The following LOC128092253 variants were observed in gnomAD, a reference collection of about 807,000 sequenced individuals.
chr6:133,967,252 G>A, the LOC128092253 span, among the ~76,000 whole-genome samples: 89 of 152,284 alleles, frequency 5.8e-4, no homozygotes, highest in African/African-American at 2.0e-3. Context: ...ATTGAATGAA[G>A]GTGATGCTCA....
chr6:133,974,830 C>A, the LOC128092253 span, among the ~76,000 whole-genome samples: 1 of 152,112 alleles, frequency 6.6e-6, no homozygotes, highest in African/African-American at 2.4e-5. Context: ...TTTAAGTTAG[C>A]ATTTCCTCAA....
chr6:133,955,008 G>A, the LOC128092253 span, among the ~76,000 whole-genome samples: 3 of 152,096 alleles, frequency 2.0e-5, no homozygotes, highest in Non-Finnish European at 4.4e-5. Context: ...TGCAAAGTGT[G>A]AACATTGGGA....
the LOC128092253 span, among the ~76,000 whole-genome samples, chr6:133,969,176 G>A: frequency 2.7e-5 from 4 of 149,748 alleles, no homozygotes; most frequent in African/African-American, 9.8e-5. Context: ...CAGAAAATCA[G>A]TATCATTTAA....
chr6:133,973,448 TA>T, the LOC128092253 span, among the ~76,000 whole-genome samples: 1 of 152,226 alleles, frequency 6.6e-6, no homozygotes, highest in South Asian at 2.1e-4. Context: ...AATTAGATTT[TA>T]GATTTATTTT....
chr6:133,974,526 A>T, the LOC128092253 span, among the ~76,000 whole-genome samples: 1 of 152,126 alleles, frequency 6.6e-6, no homozygotes, highest in Non-Finnish European at 1.5e-5. Context: ...ACGGGGTTTC[A>T]CCGTGTTGGT....
the LOC128092253 span, among the ~76,000 whole-genome samples, chr6:133,964,544 G>A: frequency 1.0e-4 from 15 of 150,346 alleles, no homozygotes; most frequent in African/African-American, 3.2e-4. Context: ...TCCGTCTCCC[G>A]GGTTCACGCC....
the LOC128092253 span, among the ~76,000 whole-genome samples, chr6:133,972,628 G>T: frequency 6.6e-6 from 1 of 152,264 alleles, no homozygotes; most frequent in East Asian, 1.9e-4. Flanking sequence ...AACAGGCACT[G>T]GCCCATTGGC....
chr6:133,968,103 C>G, the LOC128092253 span, among the ~76,000 whole-genome samples: 3 of 151,532 alleles, frequency 2.0e-5, no homozygotes, highest in Non-Finnish European at 4.4e-5. Context: ...GCATCTGCCT[C>G]AGCCTCCCCC....
At chr6:133,953,677 G>A in the LOC128092253 span, among the ~76,000 whole-genome samples, 1 of 152,150 alleles carries the variant, frequency 6.6e-6, no homozygotes, top group Non-Finnish European at 1.5e-5. Context: ...CGGGTTGGGG[G>A]TGGGGCGTCC....
chr6:133,973,200 T>C, the LOC128092253 span, among the ~76,000 whole-genome samples: 2 of 152,322 alleles, frequency 1.3e-5, no homozygotes, highest in South Asian at 2.1e-4. Flanking sequence ...TTGAATGGCC[T>C]GTCTTTCTTT....
At chr6:133,974,259 C>G in the LOC128092253 span, among the ~76,000 whole-genome samples, 1 of 152,114 alleles carries the variant, frequency 6.6e-6, no homozygotes, top group African/African-American at 2.4e-5. Flanking sequence ...TTAACTAGTT[C>G]CTTTTCATTG....
At chr6:133,960,306 G>A in the LOC128092253 span, among the ~76,000 whole-genome samples, 1 of 152,130 alleles carries the variant, frequency 6.6e-6, no homozygotes, top group Non-Finnish European at 1.5e-5. Flanking sequence ...TTTGTACTGA[G>A]GGGGGAGGCC....
the LOC128092253 span, among the ~76,000 whole-genome samples, chr6:133,956,867 A>G: frequency 1.3e-5 from 2 of 152,208 alleles, no homozygotes; most frequent in African/African-American, 4.8e-5. Flanking sequence ...CATGACTACC[A>G]CTTTGGGAAA....
chr6:133,963,341 G>A, the LOC128092253 span, among the ~76,000 whole-genome samples: 2 of 152,028 alleles, frequency 1.3e-5, no homozygotes, highest in African/African-American at 4.8e-5. Context: ...TCAAAATTAG[G>A]GCCCTATCAA....
At chr6:133,966,922 C>G in the LOC128092253 span, among the ~76,000 whole-genome samples, 1 of 152,186 alleles carries the variant, frequency 6.6e-6, no homozygotes, top group African/African-American at 2.4e-5. Flanking sequence ...GGTGGTGATA[C>G]ATTTTTATAA....
the LOC128092253 span, among the ~76,000 whole-genome samples, chr6:133,972,555 T>C: frequency 2.6e-5 from 4 of 152,232 alleles, no homozygotes; most frequent in Non-Finnish European, 4.4e-5. Flanking sequence ...AACTACTCAG[T>C]TGTGCTGCGT....
At chr6:133,968,459 A>G in the LOC128092253 span, among the ~76,000 whole-genome samples, 3,837 of 152,286 alleles carry the variant, frequency 0.025, 80 homozygotes, top group African/African-American at 0.053. Context: ...TTTATCCACA[A>G]TAGTATATTA....
At chr6:133,969,042 CATT>C in the LOC128092253 span, 2 of 152,126 alleles carry the variant, frequency 1.3e-5, no homozygotes, top group Non-Finnish European at 2.9e-5. Context: ...ACTGTTTAAA[CATT>C]ATTAAGATGA....
At chr6:133,977,857 C>G in the LOC128092253 span, among the ~76,000 whole-genome samples, 1 of 152,194 alleles carries the variant, frequency 6.6e-6, no homozygotes, top group Non-Finnish European at 1.5e-5. Context: ...TACTTGAGCT[C>G]TAGCTCTCAT....
Sources: gnomAD v4.1 joint callset for allele counts (sites outside exome capture counted in the v4.1 genomes callset) on GRCh38, gnomAD v4.1.1 for gene constraint, MANE v1.5 for transcripts.